The following SLIT3 variants were observed in gnomAD, a reference collection of about 807,000 sequenced individuals.
The protein encoded by SLIT3 is slit guidance ligand 3.
SLIT3 carries 68 observed loss-of-function variants against 184.0 expected under a neutral mutation model. The observed-to-expected ratio is 0.37, with a 90% CI of 0.30 to 0.45. SLIT3 has a LOEUF of 0.45. Among genes scored for constraint, SLIT3 ranks in the 20% least tolerant of loss-of-function variants. SLIT3 has a pLI of 1.00. For missense variants in SLIT3, 1,707 were observed against 2,026.0 expected (o/e 0.84, Z 3.02); for synonymous variants, 831 against 828.6 (o/e 1.00, Z -0.05).
chr5:169,295,096 C>T (rs578074567), intron 1 of SLIT3, among the ~76,000 whole-genome samples: 2 of 152,292 alleles, frequency 1.3e-5, no homozygotes, highest in East Asian at 1.9e-4. Flanking sequence ...ACACTATACC[C>T]TTAGGCTGTA....
chr5:168,868,753 A>G (rs1254431162), intron 5 of SLIT3, among the ~76,000 whole-genome samples: 1 of 138,890 alleles, frequency 7.2e-6, no homozygotes, highest in African/African-American at 2.9e-5. Context: ...GCCTCAAAAA[A>G]AAAAAAAAAA....
chr5:169,197,920 T>A (rs1316328410), intron 3 of SLIT3, among the ~76,000 whole-genome samples: 1 of 152,332 alleles, frequency 6.6e-6, no homozygotes, highest in East Asian at 1.9e-4. Context: ...ACTAAAGGCC[T>A]TTCTAGATGT....
chr5:168,750,817 A>G (rs569335141), intron 18 of SLIT3, among the ~76,000 whole-genome samples: 1 of 152,116 alleles, frequency 6.6e-6, no homozygotes, highest in South Asian at 2.1e-4. Flanking sequence ...CTAAACATTA[A>G]GGATGCAGCA....
chr5:168,825,669 T>TG (rs1351982405), intron 6 of SLIT3, among the ~76,000 whole-genome samples: 1 of 152,230 alleles, frequency 6.6e-6, no homozygotes, highest in Non-Finnish European at 1.5e-5. Context: ...TGTGTGTGTA[T>TG]GTGGGGAGAT....
chr5:168,902,264 T>C lies in SLIT3; in HGVS notation c.414-18928A>G, dbSNP rs184091840. On this transcript the variant is annotated intron_variant, in intron 4 of 35. Coordinates refer to ENST00000519560, the MANE Select transcript of SLIT3 (RefSeq NM_003062.4). ...ATTAACGAACATTTGTTAAACACCG[T>C]ATGCCAGGCACAGTGTCAGGCAAAA... 2.1e-3 allele frequency among the ~76,000 whole-genome samples: 325 copies of C among 152,306 alleles called. 3 individuals carry two copies. The highest frequency in any genetic ancestry group is 7.5e-3 in the African/African-American group (311 of 41,574).
intron 4 of SLIT3, among the ~76,000 whole-genome samples, chr5:169,126,635 T>A (rs1761090218): frequency 6.6e-6 from 1 of 152,226 alleles, no homozygotes; most frequent in Non-Finnish European, 1.5e-5. Flanking sequence ...AGACACAGGC[T>A]CTGCTCCCTT....
chr5:169,122,521 G>C (rs997413308), intron 4 of SLIT3, among the ~76,000 whole-genome samples: 2 of 152,138 alleles, frequency 1.3e-5, no homozygotes, highest in Non-Finnish European at 2.9e-5. Context: ...TTTACCAGGT[G>C]TTTCTGGCTT....
chr5:169,239,182 G>T (rs1765306337), intron 3 of SLIT3, among the ~76,000 whole-genome samples: 1 of 152,054 alleles, frequency 6.6e-6, no homozygotes, highest in African/African-American at 2.4e-5. Context: ...TGCCTTCTTT[G>T]AATAAGCTAA....
chr5:169,268,919 G>C (rs1766499105), intron 1 of SLIT3, among the ~76,000 whole-genome samples: 2 of 150,754 alleles, frequency 1.3e-5, no homozygotes, highest in Admixed American at 6.6e-5. Flanking sequence ...CTATAAGGGG[G>C]ACACTCTTAT....
rs149228015 is a variant in SLIT3 at position 168,835,422 on chromosome 5, G to A, written c.557+9162C>T. On this transcript the variant is annotated intron_variant, in intron 6 of 35. Coordinates refer to ENST00000519560, the MANE Select transcript of SLIT3 (RefSeq NM_003062.4). ...GTTTGAAGAATCCAAATATGACCTTGGAGAAATGGAGTCATTATTTCCTTC... is the reference window on the plus strand; with the variant it reads ...GTTTGAAGAATCCAAATATGACCTTAGAGAAATGGAGTCATTATTTCCTTC... Among the ~76,000 whole-genome samples the A allele has an allele frequency of 9.0e-3, 1,369 of 151,682 alleles. 23 individuals carry two copies. Among genetic ancestry groups the A allele is most frequent in the African/African-American group, 0.032 (1,320 of 41,338 alleles).
chr5:168,784,945 G>T (rs1342276106), intron 12 of SLIT3, among the ~76,000 whole-genome samples: 6 of 151,608 alleles, frequency 4.0e-5, no homozygotes, highest in Admixed American at 3.9e-4. Context: ...TCAGAGGGCT[G>T]GGAGGTTTCT....
At chr5:168,747,170 C>T (rs1754498899) in intron 20 of SLIT3, among the ~76,000 whole-genome samples, 1 of 152,136 alleles carries the variant, frequency 6.6e-6, no homozygotes. Context: ...CCTCACCCCT[C>T]AGATTGCGGC....
In SLIT3 at chr5:169,287,984, A is replaced by G. The variant is rs1477748506; in HGVS notation, c.197+12529T>C. Among the ~76,000 whole-genome samples the G allele has an allele frequency of 2.6e-5, 4 of 152,186 alleles. No individual in the cohort carries two copies. In the East Asian group the frequency reaches 7.7e-4, roughly 29 times the overall value. On this transcript the variant is annotated intron_variant, in intron 1 of 35. Coordinates refer to ENST00000519560, the MANE Select transcript of SLIT3 (RefSeq NM_003062.4). Reference sequence around the variant, plus strand: ...ACCCCATGCTTAGGCAAACTTGCCCAAAGTACAAATTTTATTCCAAATCCC... The same window carrying G: ...ACCCCATGCTTAGGCAAACTTGCCCGAAGTACAAATTTTATTCCAAATCCC...
chr5:168,968,168 C>T (rs553930695), intron 4 of SLIT3, among the ~76,000 whole-genome samples: 5 of 152,270 alleles, frequency 3.3e-5, no homozygotes, highest in African/African-American at 7.2e-5. Flanking sequence ...TCTGCTTTCC[C>T]GGGTCAGCAA....
At chr5:168,685,993 T>A in intron 30 of SLIT3, 66 bp from the exon 31 acceptor site, 1 of 1,515,818 alleles carries the variant, frequency 6.6e-7, no homozygotes, top group Non-Finnish European at 8.8e-7. Flanking sequence ...TCACAGTTAC[T>A]CAGGCCAAAG....
chr5:169,011,644 C>G (rs1352954374), intron 4 of SLIT3, among the ~76,000 whole-genome samples: 1 of 152,168 alleles, frequency 6.6e-6, no homozygotes, highest in Non-Finnish European at 1.5e-5. Flanking sequence ...GAGGGGCCTG[C>G]TCTGTCAGAG....
intron 4 of SLIT3, among the ~76,000 whole-genome samples, chr5:169,095,070 A>G (rs893773065): frequency 6.6e-6 from 1 of 152,224 alleles, no homozygotes; most frequent in African/African-American, 2.4e-5. Flanking sequence ...AAAGACATGA[A>G]GTTTGAAAAT....
intron 4 of SLIT3, among the ~76,000 whole-genome samples, chr5:169,073,683 T>A (rs567120483): frequency 6.6e-6 from 1 of 152,026 alleles, no homozygotes; most frequent in Non-Finnish European, 1.5e-5. Context: ...TGAGTTTACC[T>A]GAGAGCTGGC....
intron 4 of SLIT3, among the ~76,000 whole-genome samples, chr5:169,138,803 T>G (rs1285828402): frequency 6.6e-6 from 1 of 152,190 alleles, no homozygotes; most frequent in Non-Finnish European, 1.5e-5. Context: ...TCCCACAATC[T>G]CTGACTTGCG....
Sources: gnomAD v4.1 joint callset for allele counts (sites outside exome capture counted in the v4.1 genomes callset) on GRCh38, gnomAD v4.1.1 for gene constraint, MANE v1.5 for transcripts, NCBI Gene and HGNC (gene_info 2026-07-23, HGNC 2026-07-21) for gene names.